The following SLC8A1 variants were observed in gnomAD, a reference collection of about 807,000 sequenced individuals.
SLC8A1 encodes sodium/calcium exchanger 1.
SLC8A1 carries 18 observed loss-of-function variants against 68.3 expected under a neutral mutation model. The ratio of observed to expected loss-of-function variants is 0.26; its 90% confidence interval spans 0.18 to 0.39. SLC8A1 has a LOEUF of 0.39. Among genes scored for constraint, SLC8A1 ranks in the 10% least tolerant of loss-of-function variants. SLC8A1 has a pLI of 1.00. For synonymous variants in SLC8A1, 475 were observed against 415.5 expected, an observed-to-expected ratio of 1.14 and a Z score of -1.74; for missense variants, 985 against 1,156.7, an observed-to-expected ratio of 0.85 and a Z score of 2.15.
chr2:40,263,608 C>A (rs2064986373), intron 2 of SLC8A1, among the ~76,000 whole-genome samples: 1 of 152,144 alleles, frequency 6.6e-6, no homozygotes, highest in Non-Finnish European at 1.5e-5. Context: ...GGGGAAAGGA[C>A]TCCCTGTTTC....
intron 1 of SLC8A1, among the ~76,000 whole-genome samples, chr2:40,499,037 A>G (rs867597652): frequency 1.1e-4 from 16 of 152,246 alleles, no homozygotes; most frequent in African/African-American, 3.6e-4. Context: ...ATAAGAGAAT[A>G]GACTAAAGAA....
intron 6 of SLC8A1, 130 bp from the exon 10 acceptor site, chr2:40,139,806 T>G (rs919268533): frequency 7.8e-6 from 7 of 895,404 alleles, no homozygotes; most frequent in Non-Finnish European, 1.2e-5. Context: ...GTGGGTGAAG[T>G]TTAGGGTTTT....
chr2:40,388,146 G>C (rs1163754569), intron 2 of SLC8A1, among the ~76,000 whole-genome samples: 1 of 152,000 alleles, frequency 6.6e-6, no homozygotes, highest in Non-Finnish European at 1.5e-5. Flanking sequence ...CCACTGATGA[G>C]TAGTGCCCCT....
chr2:40,316,120 CAT>C (rs1225315009), intron 2 of SLC8A1, among the ~76,000 whole-genome samples: 1 of 152,060 alleles, frequency 6.6e-6, no homozygotes, highest in African/African-American at 2.4e-5. Context: ...ACCTCACTGA[CAT>C]AGTATACATG....
At chr2:40,165,095 A>T in intron 4 of SLC8A1, 111 bp from the exon 8 acceptor site, 1 of 1,375,564 alleles carries the variant, frequency 7.3e-7, no homozygotes, top group East Asian at 2.3e-5. Flanking sequence ...GACCTACTAA[A>T]GCCCCCTGGG....
At chr2:40,306,457 G>GT (rs1256009319) in intron 2 of SLC8A1, among the ~76,000 whole-genome samples, 1 of 147,738 alleles carries the variant, frequency 6.8e-6, no homozygotes, top group African/African-American at 2.6e-5. Flanking sequence ...GGTTGTGGGG[G>GT]GGGGCATAGC....
chr2:40,331,281 G>C (rs919562087), intron 2 of SLC8A1, among the ~76,000 whole-genome samples: 2 of 152,138 alleles, frequency 1.3e-5, no homozygotes, highest in African/African-American at 4.8e-5. Flanking sequence ...CCACTAGTGA[G>C]AGGCTAGAAA....
chr2:40,316,029 C>CA (rs943783515), intron 2 of SLC8A1, among the ~76,000 whole-genome samples: 3 of 151,942 alleles, frequency 2.0e-5, no homozygotes, highest in South Asian at 2.1e-4. Flanking sequence ...GCATCACATG[C>CA]AAAAAAACGT....
At chr2:40,121,897 A>C (rs1016452223) in intron 7 of SLC8A1, among the ~76,000 whole-genome samples, 3 of 152,142 alleles carry the variant, frequency 2.0e-5, no homozygotes, top group Admixed American at 6.6e-5. Context: ...TACTTTGAAA[A>C]TTTCATACAA....
At chr2:40,174,493 A>AAAAT (rs1374354675) in intron 4 of SLC8A1, among the ~76,000 whole-genome samples, 2 of 152,274 alleles carry the variant, frequency 1.3e-5, no homozygotes, top group Admixed American at 1.3e-4. Flanking sequence ...GGTCAGTGTC[A>AAAAT]AAATATGAAC....
intron 6 of SLC8A1, among the ~76,000 whole-genome samples, chr2:40,150,678 A>G (rs186576749): frequency 3.3e-4 from 51 of 152,338 alleles, no homozygotes; most frequent in African/African-American, 1.1e-3. Context: ...AGAGCCCTTC[A>G]ATACGGTGTT....
At chr2:40,202,648 G>A (rs1320860259) in intron 2 of SLC8A1, among the ~76,000 whole-genome samples, 1 of 151,950 alleles carries the variant, frequency 6.6e-6, no homozygotes, top group South Asian at 2.1e-4. Flanking sequence ...ATCACCAAGG[G>A]TGATGTGACA....
rs74352904 is a variant in SLC8A1, at chr2:40,459,117, A to G, written c.-24-28813T>C. On this transcript the variant is annotated intron_variant, in intron 1 of 7. Transcript: ENST00000402441. ...AGTGAAAACATCAGTAGAAGTTTCT[A>G]CTCTCCTGGGACTCACATTCTAGTG... Among the ~76,000 whole-genome samples the G allele has an allele frequency of 5.7e-3, 875 of 152,266 alleles. 5 individuals are homozygous for G. Among genetic ancestry groups the G allele is most frequent in the African/African-American group, 0.019 (793 of 41,558 alleles).
At chr2:40,160,703 G>T in intron 6 of SLC8A1, 62 bp downstream of exon 9, 2 of 1,441,804 alleles carry the variant, frequency 1.4e-6, no homozygotes, top group Non-Finnish European at 2.0e-6. Context: ...AGTAGCCACA[G>T]TAGGAAAACT....
intron 2 of SLC8A1, among the ~76,000 whole-genome samples, chr2:40,269,953 C>T (rs1014829632): frequency 1.3e-5 from 2 of 152,106 alleles, no homozygotes; most frequent in African/African-American, 4.8e-5. Context: ...GCATATTTTA[C>T]ACTATTTGCT....
chr2:40,330,905 C>T (rs1439101919), intron 2 of SLC8A1, among the ~76,000 whole-genome samples: 1 of 152,134 alleles, frequency 6.6e-6, no homozygotes, highest in Admixed American at 6.5e-5. Context: ...AATATCTAAT[C>T]TAATACAATC....
chr2:40,512,169 T>G (rs769669549), intron 1 of SLC8A1, among the ~76,000 whole-genome samples: 2 of 152,168 alleles, frequency 1.3e-5, no homozygotes, highest in African/African-American at 4.8e-5. Flanking sequence ...CTTCCCTGTC[T>G]TGTGGAGGCA....
chr2:40,457,813 AT>A (rs1017617472), intron 1 of SLC8A1, among the ~76,000 whole-genome samples: 2 of 152,176 alleles, frequency 1.3e-5, no homozygotes, highest in African/African-American at 4.8e-5. Flanking sequence ...AGACATTAAC[AT>A]TTTTTGCCAC....
chr2:40,177,927 C>T (rs1158585705), intron 2 of SLC8A1: 3 of 935,130 alleles, frequency 3.2e-6, no homozygotes, highest in Non-Finnish European at 5.1e-6. Context: ...GTCCACCAAG[C>T]TGAATGTTAC....
Sources: allele counts gnomAD v4.1 joint callset (sites outside exome capture counted in the v4.1 genomes callset), GRCh38; gene constraint gnomAD v4.1.1; transcripts MANE v1.5; gene names NCBI Gene and HGNC (gene_info 2026-07-23, HGNC 2026-07-21).